The following PPP3R1 variants were observed in gnomAD, a reference collection of about 807,000 sequenced individuals.
PPP3R1 encodes the protein calcineurin subunit B type 1.
PPP3R1 carries 5 observed loss-of-function variants against 22.6 expected under a neutral mutation model. The observed-to-expected ratio is 0.22, with a 90% CI of 0.12 to 0.46. PPP3R1 has a LOEUF of 0.46. Ranked by LOEUF, PPP3R1 falls within the 20% of genes least tolerant of loss-of-function variation. The probability of loss-of-function intolerance (pLI) is 0.99; values close to 1 mark genes in which losing one functional copy is unlikely to be tolerated. For missense variants in PPP3R1, 61 were observed against 203.2 expected (o/e 0.30, Z 4.25); for synonymous variants, 56 against 65.2 (o/e 0.86, Z 0.68).
At chr2:68,198,317 GTATATACA>G (rs1674861071) in intron 2 of PPP3R1, among the ~76,000 whole-genome samples, 1 of 109,490 alleles carries the variant, frequency 9.1e-6, no homozygotes, top group South Asian at 3.4e-4. Flanking sequence ...ATACATATAT[GTATATACA>G]TATGTACATA....
chr2:68,207,598 G>C (rs1286259803), intron 2 of PPP3R1, among the ~76,000 whole-genome samples: 3 of 152,192 alleles, frequency 2.0e-5, no homozygotes, highest in Non-Finnish European at 2.9e-5. Context: ...CAGCAGAAAA[G>C]AATCTGTGAA....
chr2:68,251,109 G>C (rs577837159), intron 1 of PPP3R1: 1 of 152,312 alleles, frequency 6.6e-6, no homozygotes, highest in African/African-American at 2.4e-5. Context: ...TTTCTCTACT[G>C]TGTATACAAC....
chr2:68,242,085 T>C (rs1670147894), intron 1 of PPP3R1, among the ~76,000 whole-genome samples: 1 of 152,196 alleles, frequency 6.6e-6, no homozygotes, highest in African/African-American at 2.4e-5. Flanking sequence ...AACAACCACA[T>C]ACAGCTAGTG....
At chr2:68,183,168 A>C (rs547276861) in intron 5 of PPP3R1, among the ~76,000 whole-genome samples, 4 of 152,204 alleles carry the variant, frequency 2.6e-5, no homozygotes, top group Admixed American at 1.3e-4. Context: ...TACATACCTA[A>C]AAGTGTCTTT....
chr2:68,240,813 T>C (rs1468273875), intron 1 of PPP3R1, among the ~76,000 whole-genome samples: 1 of 152,216 alleles, frequency 6.6e-6, no homozygotes, highest in East Asian at 1.9e-4. Flanking sequence ...ATGTTGAAGA[T>C]TTCAGTCTTT....
intron 1 of PPP3R1, chr2:68,250,957 C>A (rs539518097): frequency 3.9e-5 from 6 of 152,304 alleles, no homozygotes; most frequent in Non-Finnish European, 7.3e-5. Flanking sequence ...GGGTGGGATA[C>A]CATACAGTGG....
At chr2:68,251,569 G>A (rs1039109844) in intron 1 of PPP3R1, among the ~76,000 whole-genome samples, 12 of 152,200 alleles carry the variant, frequency 7.9e-5, no homozygotes, top group Non-Finnish European at 4.4e-5. Flanking sequence ...CGCAGGAGAG[G>A]GGAAGTGAGT....
At chr2:68,234,574 T>C (rs1484974678) in intron 1 of PPP3R1, among the ~76,000 whole-genome samples, 1 of 152,184 alleles carries the variant, frequency 6.6e-6, no homozygotes, top group Non-Finnish European at 1.5e-5. Context: ...CACACTGGCA[T>C]AGCAATTTTA....
chr2:68,232,211 G>A (rs553664615), intron 1 of PPP3R1, among the ~76,000 whole-genome samples: 9 of 10,994 alleles, frequency 8.2e-4, no homozygotes, highest in African/African-American at 4.0e-3. Context: ...TATACATATT[G>A]TATATGTATA....
chr2:68,246,365 G>A lies in PPP3R1; in HGVS notation c.3+5760C>T, dbSNP rs138125496. The stretch of plus-strand genomic sequence containing the variant: ...TGGGATTACAGGAGTGAGCCACCGT[G>A]CCCGGCTCTGACTTTTTCTTTCAAC... On this transcript the variant is annotated intron_variant, in intron 1 of 5. Transcript: ENST00000234310. Among the ~76,000 whole-genome samples the A allele has an allele frequency of 3.6e-3, 548 of 152,070 alleles. 6 individuals carry two copies. Among genetic ancestry groups the A allele is most frequent in the African/African-American group, 0.013 (526 of 41,452 alleles).
chr2:68,196,011 G>A (rs1674763512), intron 2 of PPP3R1, among the ~76,000 whole-genome samples: 1 of 151,364 alleles, frequency 6.6e-6, no homozygotes, highest in African/African-American at 2.4e-5. Flanking sequence ...AAGAAATTTA[G>A]AACCATATTA....
intron 1 of PPP3R1, among the ~76,000 whole-genome samples, chr2:68,231,737 G>C (rs1333593742): frequency 1.3e-5 from 2 of 152,074 alleles, no homozygotes; most frequent in Non-Finnish European, 2.9e-5. Context: ...CAGTAATAAA[G>C]AAAACAACTT....
At chr2:68,230,829 A>G (rs912134893) in intron 1 of PPP3R1, among the ~76,000 whole-genome samples, 3 of 152,142 alleles carry the variant, frequency 2.0e-5, no homozygotes, top group African/African-American at 7.2e-5. Flanking sequence ...AAAAATGTGA[A>G]ATTTCCTTCT....
At chr2:68,252,051 G>C in intron 1 of PPP3R1, 74 bp downstream of exon 1, 6 of 1,325,140 alleles carry the variant, frequency 4.5e-6, no homozygotes, top group Middle Eastern at 2.1e-4. Flanking sequence ...GGGGCGTCGG[G>C]GCTCGCCCCC....
intron 1 of PPP3R1, among the ~76,000 whole-genome samples, chr2:68,238,163 C>G (rs756531619): frequency 5.9e-5 from 9 of 151,930 alleles, no homozygotes; most frequent in Non-Finnish European, 1.2e-4. Flanking sequence ...AGCTCCATTG[C>G]ACCTCTGCAT....
In PPP3R1 at chr2:68,181,065, G is replaced by A. The variant is rs144924423; in HGVS notation, c.466-55C>T. 7.2e-5 allele frequency: 110 copies of A among 1,522,084 alleles called. No homozygotes were observed. The East Asian group carries it at 1.4e-3, about 19-fold the overall frequency. 94.3% of individuals were successfully genotyped at this position (1,522,084 alleles called of 1,614,324 possible). A position where few individuals can be genotyped will look rare whatever the true frequency, so the allele number is the denominator to read the frequency against. ...ACAGTGTCTGAGAAACTCCTCATTC[G>A]TGGTCTAACTACTTCATCAAATTTT... On this transcript the variant is annotated intron_variant, in intron 5 of 5. Coordinates refer to ENST00000234310, the MANE Select transcript of PPP3R1 (RefSeq NM_000945.4).
chr2:68,189,563 T>C (rs1280406309), intron 2 of PPP3R1, among the ~76,000 whole-genome samples: 1 of 152,188 alleles, frequency 6.6e-6, no homozygotes, highest in Non-Finnish European at 1.5e-5. Flanking sequence ...ATTACAAATA[T>C]ATTTTTTAAA....
At chr2:68,218,692 G>C (rs1669625362) in intron 1 of PPP3R1, among the ~76,000 whole-genome samples, 2 of 147,146 alleles carry the variant, frequency 1.4e-5, no homozygotes, top group Admixed American at 1.4e-4. Flanking sequence ...GAGCATACCG[G>C]TATTTTATTT....
intron 1 of PPP3R1, among the ~76,000 whole-genome samples, chr2:68,241,010 A>G (rs1486178302): frequency 1.3e-5 from 2 of 152,228 alleles, no homozygotes; most frequent in Non-Finnish European, 2.9e-5. Flanking sequence ...AAGGTCCAAC[A>G]TTACAAAGAA....
Sources: gnomAD v4.1 joint callset for allele counts (sites outside exome capture counted in the v4.1 genomes callset) on GRCh38, gnomAD v4.1.1 for gene constraint, MANE v1.5 for transcripts, NCBI Gene and HGNC (gene_info 2026-07-23, HGNC 2026-07-21) for gene names.